IQCE: variants seen among roughly 807,000 people sequenced by gnomAD.
IQCE encodes the protein IQ motif containing E, also known as IQ domain-containing protein E.
In IQCE, 115 loss-of-function variants were observed where a neutral mutation model predicts 96.0. The ratio of observed to expected loss-of-function variants is 1.20; its 90% CI spans 1.03 to 1.40. The LOEUF (loss-of-function observed/expected upper bound fraction) is 1.40, where lower values mean the gene tolerates loss of function less well. Ranked by LOEUF, IQCE falls within the 40% of genes most tolerant of loss-of-function variation. The pLI, the probability that IQCE is intolerant of heterozygous loss-of-function variation, is 0.00. For synonymous variants in IQCE, 412 were observed against 371.2 expected, an observed-to-expected ratio of 1.11 and a Z score of -1.26; for missense variants, 1,041 against 909.1, an observed-to-expected ratio of 1.15 and a Z score of -1.87.
chr7:2,561,009 G>A (rs1419049619), intron 1 of IQCE, among the ~76,000 whole-genome samples: 1 of 150,468 alleles, frequency 6.6e-6, no homozygotes, highest in African/African-American at 2.4e-5. Context: ...CCAGGCTGGA[G>A]TGCAATGATG....
intron 7 of IQCE, 27 bp from the exon 8 acceptor site, chr7:2,578,449 C>T: frequency 6.2e-7 from 1 of 1,614,106 alleles, no homozygotes; most frequent in Non-Finnish European, 8.5e-7. Flanking sequence ...CGAAGGCCGT[C>T]TTCATGTCTC....
chr7:2,586,164 C>T lies in IQCE; in HGVS notation c.825-44C>T, dbSNP rs1432895267. 2.6e-6 allele frequency: 4 copies of T among 1,567,442 alleles called. No individual in the cohort carries two copies. The African/African-American group carries it at 4.1e-5, about 16-fold the overall frequency. On this transcript the variant is annotated intron_variant, in intron 11 of 21. Coordinates refer to ENST00000402050, the MANE Select transcript of IQCE (RefSeq NM_152558.5). The stretch of plus-strand genomic sequence containing the variant: ...CCCTCGTTTCAAGCATGTGTGAAAC[C>T]AGCTTAGCAATGCAAACCTCAGTCC...
At chr7:2,567,306 T>C (rs532548432) in intron 2 of IQCE, 143 bp downstream of exon 2, 2 of 703,800 alleles carry the variant, frequency 2.8e-6, no homozygotes, top group Non-Finnish European at 5.0e-6. Context: ...CCTTGGTGTT[T>C]GAAAAGTTTC....
chr7:2,579,288 A>G (rs1782466739), intron 8 of IQCE, among the ~76,000 whole-genome samples: 2 of 152,198 alleles, frequency 1.3e-5, no homozygotes, highest in African/African-American at 4.8e-5. Flanking sequence ...AAGAAAACCG[A>G]AAGGGATACG....
intron 14 of IQCE, 113 bp from the exon 15 acceptor site, chr7:2,592,909 C>T: frequency 8.7e-7 from 1 of 1,145,624 alleles, no homozygotes. Flanking sequence ...CCTGCCCCAC[C>T]ATCCACTGTC....
At chr7:2,573,773 G>A (rs1415397336) in intron 6 of IQCE, among the ~76,000 whole-genome samples, 2 of 152,188 alleles carry the variant, frequency 1.3e-5, no homozygotes, top group Non-Finnish European at 1.5e-5. Context: ...CTTCAGAGTC[G>A]CCTTGCGTCC....
At position 2,562,776 on chromosome 7, in the gene IQCE, C is replaced by T. The variant is rs990359426; in HGVS notation, c.36+3559C>T. On this transcript the variant is annotated intron_variant, in intron 1 of 21. Coordinates refer to ENST00000402050, the MANE Select transcript of IQCE (RefSeq NM_152558.5). ...AATTTTTATTCCTTTCTTTTACTTC[C>T]TTTGAGTTTAGTTTTCTATCTCCTG... 3.3e-5 allele frequency among the ~76,000 whole-genome samples: 5 copies of T among 149,852 alleles called. No individual in the cohort carries two copies. The East Asian group carries it at 9.7e-4, about 29-fold the overall frequency.
rs2128438175 is a variant in IQCE at position 2,572,415 on chromosome 7, C to T, written c.394+89C>T. 8 of 1,404,674 alleles carry T rather than the reference C, an allele frequency of 5.7e-6. No homozygotes were observed. The South Asian group carries it at 1.1e-4, about 19-fold the overall frequency. 87.0% of individuals were successfully genotyped at this position (1,404,674 alleles called of 1,614,324 possible). A position where few individuals can be genotyped will look rare whatever the true frequency, so the allele number is the denominator to read the frequency against. On this transcript the variant is annotated intron_variant, in intron 5 of 21. Coordinates refer to ENST00000402050, the MANE Select transcript of IQCE (RefSeq NM_152558.5). Reference sequence around the variant, plus strand: ...GGGCTGGAGGCGTCCTTCGTCAGAGCAGGATTTCTGGCTTCGTGCATGAGC... The same window carrying T: ...GGGCTGGAGGCGTCCTTCGTCAGAGTAGGATTTCTGGCTTCGTGCATGAGC...
intron 13 of IQCE, among the ~76,000 whole-genome samples, chr7:2,588,288 C>T (rs1443390455): frequency 1.3e-5 from 2 of 152,228 alleles, no homozygotes; most frequent in Non-Finnish European, 2.9e-5. Context: ...ATCCCCTATG[C>T]GACTGCAAAG....
At chr7:2,581,282 T>C (rs1782645081) in intron 8 of IQCE, among the ~76,000 whole-genome samples, 2 of 152,052 alleles carry the variant, frequency 1.3e-5, no homozygotes, top group Admixed American at 6.5e-5. Flanking sequence ...CTCGACTCAC[T>C]GCACCCTCCA....
intron 3 of IQCE, among the ~76,000 whole-genome samples, chr7:2,570,131 C>A (rs1036504): frequency 6.6e-6 from 1 of 151,768 alleles, no homozygotes; most frequent in Non-Finnish European, 1.5e-5. Flanking sequence ...GTTTGCAGCT[C>A]CCACCACGTT....
At chr7:2,583,235 A>G (rs917422237) in intron 9 of IQCE, among the ~76,000 whole-genome samples, 2 of 152,218 alleles carry the variant, frequency 1.3e-5, no homozygotes, top group Non-Finnish European at 2.9e-5. Context: ...GGATGGCCTG[A>G]CAGTGCCAGG....
At chr7:2,570,096 C>G (rs138630503) in intron 3 of IQCE, among the ~76,000 whole-genome samples, 24 of 152,146 alleles carry the variant, frequency 1.6e-4, no homozygotes, top group African/African-American at 3.9e-4. Flanking sequence ...TGTTTTTCTC[C>G]AAGGCCTGGT....
At chr7:2,598,887 T>C (rs1467443413) in intron 17 of IQCE, among the ~76,000 whole-genome samples, 2 of 152,248 alleles carry the variant, frequency 1.3e-5, no homozygotes, top group African/African-American at 2.4e-5. Flanking sequence ...AAGTAAGTTT[T>C]AGACGTTATG....
At position 2,594,883 on chromosome 7, in the gene IQCE, T is replaced by TA; in HGVS notation, c.1350-2dup. The TA allele has an allele frequency of 6.2e-7, 1 of 1,606,770 alleles. No individual in the cohort carries two copies. Among genetic ancestry groups the TA allele is most frequent in the Admixed American group, 1.7e-5 (1 of 60,018 alleles). ...TGTCTCATCTTTTCCCTTTCCGCCT[T>TA]AGAGAGGAGATTCAGACACTTACCA... On this transcript the variant is annotated splice_polypyrimidine_tract_variant and splice_region_variant and intron_variant, in intron 15 of 21. Coordinates refer to ENST00000402050, the MANE Select transcript of IQCE (RefSeq NM_152558.5).
At chr7:2,609,784 T>A (rs983074613) in intron 21 of IQCE, among the ~76,000 whole-genome samples, 3 of 151,788 alleles carry the variant, frequency 2.0e-5, no homozygotes, top group African/African-American at 7.3e-5. Flanking sequence ...TGAGGCTTTC[T>A]GGCAGGTGTG....
At chr7:2,605,621 AAAAT>A (rs746675940) in intron 19 of IQCE, among the ~76,000 whole-genome samples, 216 of 146,686 alleles carry the variant, frequency 1.5e-3, no homozygotes, top group African/African-American at 2.7e-3. Flanking sequence ...CTCCATCTCA[AAAAT>A]AAATAAATAA....
chr7:2,559,905 T>C (rs1390215097), intron 1 of IQCE, among the ~76,000 whole-genome samples: 1 of 152,044 alleles, frequency 6.6e-6, no homozygotes, highest in Non-Finnish European at 1.5e-5. Context: ...CCCCCGGTAG[T>C]CCCTGCACTC....
chr7:2,577,631 G>A, intron 6 of IQCE, among the ~76,000 whole-genome samples: 1 of 113,870 alleles, frequency 8.8e-6, no homozygotes, highest in Non-Finnish European at 1.8e-5. Context: ...TGTGTGCGGC[G>A]TGCACGCATT....
Sources: allele counts gnomAD v4.1 joint callset (sites outside exome capture counted in the v4.1 genomes callset), GRCh38; gene constraint gnomAD v4.1.1; transcripts MANE v1.5; gene names NCBI Gene and HGNC (gene_info 2026-07-23, HGNC 2026-07-21).